OPRD1: variants seen among roughly 807,000 people sequenced by gnomAD.
The protein encoded by OPRD1 is opioid receptor delta 1.
In OPRD1, 19 loss-of-function variants were observed where a neutral mutation model predicts 17.5. The observed-to-expected ratio is 1.09, with a 90% CI of 0.76 to 1.60. The LOEUF (loss-of-function observed/expected upper bound fraction) is 1.60, where lower values mean the gene tolerates loss of function less well. Ranked by LOEUF, OPRD1 falls within the 40% of genes most tolerant of loss-of-function variation. The pLI is 0.00. For synonymous variants in OPRD1, 256 were observed against 240.9 expected, an observed-to-expected ratio of 1.06 and a Z score of -0.58; for missense variants, 483 against 547.2, an observed-to-expected ratio of 0.88 and a Z score of 1.17.
In OPRD1 at chr1:28,863,167, A is replaced by T; in HGVS notation, c.1003A>T (p.Lys335Ter). ...FKRCFRQLCR[K>*]PCGRPDPSSF... Reference sequence around the variant, plus strand: ...GCGCTGCTTCCGCCAGCTCTGCCGCAAGCCCTGCGGCCGCCCAGACCCCAG... The same window carrying T: ...GCGCTGCTTCCGCCAGCTCTGCCGCTAGCCCTGCGGCCGCCCAGACCCCAG... Residue 335 changes from lysine to a stop codon, truncating the protein, a stop_gained, in exon 3 of 3, where the codon AAG becomes TAG. Coordinates refer to ENST00000234961, the MANE Select transcript of OPRD1 (RefSeq NM_000911.4). LOFTEE classifies it low-confidence loss of function (END_TRUNC). 5 of 1,602,494 alleles carry T rather than the reference A, an allele frequency of 3.1e-6. No homozygotes were observed. Among genetic ancestry groups the T allele is most frequent in the Non-Finnish European group, 4.2e-6 (5 of 1,178,018 alleles).
At chr1:28,835,617 G>A (rs1005697967) in intron 1 of OPRD1, among the ~76,000 whole-genome samples, 1 of 152,292 alleles carries the variant, frequency 6.6e-6, no homozygotes, top group African/African-American at 2.4e-5. Flanking sequence ...CAAATAGAGG[G>A]AGCCCCAGCT....
At chr1:28,830,093 A>T (rs1255229786) in intron 1 of OPRD1, among the ~76,000 whole-genome samples, 1 of 152,106 alleles carries the variant, frequency 6.6e-6, no homozygotes, top group African/African-American at 2.4e-5. Flanking sequence ...GGGAATAGAG[A>T]GGCCTGAGGA....
In OPRD1 at chr1:28,869,420, G is replaced by A. The variant is rs1023247507; in HGVS notation, c.*6137G>A. Reference sequence around the variant, plus strand: ...GTTCTAGTCCCAGCACCATCACCGGGGATGAGCCGTTTCAGAGTGTGGCAC... The same window carrying A: ...GTTCTAGTCCCAGCACCATCACCGGAGATGAGCCGTTTCAGAGTGTGGCAC... On this transcript the variant is annotated 3_prime_UTR_variant, in exon 3 of 3. Transcript: ENST00000234961. The A allele has an allele frequency of 1.3e-5, 2 of 152,174 alleles. No homozygotes were observed. Among genetic ancestry groups the A allele is most frequent in the Non-Finnish European group, 2.9e-5 (2 of 68,066 alleles). 9.4% of individuals were successfully genotyped at this position (152,174 alleles called of 1,614,324 possible).
chr1:28,823,018 C>T (rs2088729057), intron 1 of OPRD1, among the ~76,000 whole-genome samples: 1 of 151,916 alleles, frequency 6.6e-6, no homozygotes, highest in South Asian at 2.1e-4. Context: ...AACAATTTAC[C>T]ATCCTCTGCA....
intron 1 of OPRD1, among the ~76,000 whole-genome samples, chr1:28,824,713 G>C (rs558087053): frequency 6.6e-6 from 1 of 152,256 alleles, no homozygotes; most frequent in South Asian, 2.1e-4. Context: ...CCTCGTAGGA[G>C]GTGAGTGTGT....
Position 28,862,989 on chromosome 1 carries a change from G to A in OPRD1, c.825G>A (p.Ala275=). Residue 275 remains alanine (A), a synonymous_variant, in exon 3 of 3, where the codon GCG becomes GCA. Coordinates refer to ENST00000234961, the MANE Select transcript of OPRD1 (RefSeq NM_000911.4). ...TGGGCGCCTTCGTGGTGTGTTGGGC[G>A]CCCATCCACATCTTCGTCATCGTCT... ...VVVGAFVVCW[A]PIHIFVIVWT... 6.2e-7 allele frequency: 1 copy of A among 1,609,848 alleles called. No individual in the cohort carries two copies. The highest frequency in any genetic ancestry group is 8.5e-7 in the Non-Finnish European group (1 of 1,178,378).
At chr1:28,860,135 C>T (rs1396694217) in intron 2 of OPRD1, among the ~76,000 whole-genome samples, 1 of 152,128 alleles carries the variant, frequency 6.6e-6, no homozygotes, top group Non-Finnish European at 1.5e-5. Flanking sequence ...GAGGCCAAGG[C>T]GGGTGAATCA....
At chr1:28,818,752 C>A (rs2088689909) in intron 1 of OPRD1, among the ~76,000 whole-genome samples, 1 of 152,048 alleles carries the variant, frequency 6.6e-6, no homozygotes, top group African/African-American at 2.4e-5. Context: ...GTAGAGTAGC[C>A]CCAGGTAATT....
chr1:28,812,665 A>G, intron 1 of OPRD1, 55 bp downstream of exon 1: 1 of 1,386,884 alleles, frequency 7.2e-7, no homozygotes, highest in Non-Finnish European at 9.4e-7. Flanking sequence ...GAGGGTGGGG[A>G]TCACGAACTT....
At chr1:28,825,986 C>CA (rs2088764625) in intron 1 of OPRD1, among the ~76,000 whole-genome samples, 1 of 152,198 alleles carries the variant, frequency 6.6e-6, no homozygotes, top group Non-Finnish European at 1.5e-5. Context: ...GTGATGAAGA[C>CA]ACAGTCCTTG....
intron 1 of OPRD1, among the ~76,000 whole-genome samples, chr1:28,840,397 G>A (rs777388063): frequency 6.6e-6 from 1 of 152,124 alleles, no homozygotes; most frequent in Non-Finnish European, 1.5e-5. Flanking sequence ...GGGATTACAG[G>A]CATGAGCCAC....
intron 1 of OPRD1, among the ~76,000 whole-genome samples, chr1:28,820,502 G>C (rs915902281): frequency 6.6e-6 from 1 of 151,438 alleles, no homozygotes; most frequent in Non-Finnish European, 1.5e-5. Context: ...TTATTGAGTG[G>C]GTGGTATAGG....
At chr1:28,819,115 T>G (rs548520012) in intron 1 of OPRD1, among the ~76,000 whole-genome samples, 25 of 152,024 alleles carry the variant, frequency 1.6e-4, no homozygotes, top group African/African-American at 6.0e-4. Flanking sequence ...CATGTGACCT[T>G]GGATGGGGCC....
rs1480155663 is a variant in OPRD1, at chr1:28,862,737, C to G, written c.578-5C>G. 1 of 1,588,776 alleles carries G rather than the reference C, an allele frequency of 6.3e-7. No individual in the cohort carries two copies. The highest frequency in any genetic ancestry group is 1.7e-5 in the Admixed American group (1 of 57,506). On this transcript the variant is annotated splice_polypyrimidine_tract_variant and splice_region_variant and intron_variant, in intron 2 of 2. Transcript: ENST00000234961. ...CGTCTGTCTTTCCTTGTTTCCGCGG[C>G]CCAGACGGGGCAGTGGTGTGCATGC...
intron 1 of OPRD1, among the ~76,000 whole-genome samples, chr1:28,838,243 T>C (rs2088869489): frequency 6.6e-6 from 1 of 152,136 alleles, no homozygotes; most frequent in African/African-American, 2.4e-5. Flanking sequence ...TGTAGACATC[T>C]GCCAAGAGCC....
In OPRD1 at chr1:28,863,341, C is replaced by T. The variant is rs1201442963; in HGVS notation, c.*58C>T. The T allele has an allele frequency of 7.2e-7, 1 of 1,392,736 alleles. No individual in the cohort carries two copies. The highest frequency in any genetic ancestry group is 1.5e-5 in the African/African-American group (1 of 65,454). 86.3% of individuals were successfully genotyped at this position (1,392,736 alleles called of 1,614,324 possible). A position where few individuals can be genotyped will look rare whatever the true frequency, so the allele number is the denominator to read the frequency against. On this transcript the variant is annotated 3_prime_UTR_variant, in exon 3 of 3. Transcript: ENST00000234961. ...TAGTGACCCGGAGGCCACATGAGTCCCAGTGGGAGGCGCGAGCCATGATGT... is the reference window on the plus strand; with the variant it reads ...TAGTGACCCGGAGGCCACATGAGTCTCAGTGGGAGGCGCGAGCCATGATGT...
intron 1 of OPRD1, among the ~76,000 whole-genome samples, chr1:28,848,217 C>G (rs1369267833): frequency 6.6e-6 from 1 of 151,226 alleles, no homozygotes; most frequent in Non-Finnish European, 1.5e-5. Context: ...CCACTGCACT[C>G]TAGCCTGGAC....
intron 1 of OPRD1, among the ~76,000 whole-genome samples, chr1:28,843,586 T>G (rs1341653200): frequency 6.6e-6 from 1 of 152,216 alleles, no homozygotes; most frequent in Non-Finnish European, 1.5e-5. Flanking sequence ...TCAAGGTTCA[T>G]CCTTGTTGTA....
At chr1:28,851,480 A>C (rs1400067660) in intron 1 of OPRD1, among the ~76,000 whole-genome samples, 2 of 152,260 alleles carry the variant, frequency 1.3e-5, no homozygotes, top group Non-Finnish European at 2.9e-5. Context: ...GGCATAGATC[A>C]AGACAGAGGA....
Sources: allele counts gnomAD v4.1 joint callset (sites outside exome capture counted in the v4.1 genomes callset), GRCh38; gene constraint gnomAD v4.1.1; transcripts MANE v1.5; gene names NCBI Gene and HGNC (gene_info 2026-07-23, HGNC 2026-07-21).